MAN2C1: variants seen among roughly 807,000 people sequenced by gnomAD.
MAN2C1 encodes the protein mannosidase alpha class 2C member 1, also known as alpha-mannosidase 2C1.
Under a neutral mutation model 126.9 loss-of-function variants are expected in MAN2C1, and 111 were observed. The ratio of observed to expected loss-of-function variants is 0.87; its 90% CI spans 0.75 to 1.02. The LOEUF (loss-of-function observed/expected upper bound fraction) is 1.02. MAN2C1 is among the 50% of genes least tolerant of loss of function. MAN2C1 has a pLI of 0.00. For synonymous variants in MAN2C1, 567 were observed against 561.5 expected, an observed-to-expected ratio of 1.01 and a Z score of -0.14; for missense variants, 1,363 against 1,364.4, an observed-to-expected ratio of 1.00 and a Z score of 0.02.
At chr15:75,365,841 T>C in intron 4 of MAN2C1, 1 of 324,582 alleles carries the variant, frequency 3.1e-6, no homozygotes, top group South Asian at 2.2e-5. Context: ...TTCCAGCATT[T>C]TGGGAAGCTG....
At chr15:75,367,923 C>T in intron 2 of MAN2C1, 150 bp downstream of exon 2, 1 of 1,123,078 alleles carries the variant, frequency 8.9e-7, no homozygotes, top group Non-Finnish European at 1.2e-6. Flanking sequence ...GAGAGCTGTT[C>T]CCAGCAGAGG....
At chr15:75,367,731 C>A (rs2072605549) in intron 2 of MAN2C1, 97 bp from the exon 3 acceptor site, 1 of 1,473,150 alleles carries the variant, frequency 6.8e-7, no homozygotes. Context: ...ACTCTCCAAG[C>A]ATCTGCAGTG....
At chr15:75,366,132 A>G (rs1487747454) in intron 4 of MAN2C1, 2 of 322,568 alleles carry the variant, frequency 6.2e-6, no homozygotes, top group East Asian at 1.0e-4. Context: ...GTTCATCTCT[A>G]TTCTAGGGAG....
rs2072643115 is a variant in MAN2C1 at position 75,368,594 on chromosome 15, T to G, written c.-11A>C. 4 of 1,534,106 alleles carry G rather than the reference T, an allele frequency of 2.6e-6. No individual in the cohort carries two copies. The highest frequency in any genetic ancestry group is 3.5e-6 in the Non-Finnish European group (4 of 1,139,450). ...CGGCGCAGCCGCCATCGCCGGGCTC[T>G]CGCTCCTCTTTCCGGAAGGCCCCTG... is the stretch of plus-strand genomic sequence containing the variant. On this transcript the variant is annotated 5_prime_UTR_variant, in exon 1 of 26. Coordinates refer to ENST00000267978, the MANE Select transcript of MAN2C1 (RefSeq NM_006715.4).
At position 75,356,102 on chromosome 15, in the gene MAN2C1, C is replaced by T. The variant is rs1291436542; in HGVS notation, c.2996+8G>A. ...CGACCCCCGCCCCAATCCCACACCG[C>T]CACTCACAGGATGGCCTCCTGAACC... On this transcript the variant is annotated splice_region_variant and intron_variant, in intron 25 of 25. Coordinates refer to ENST00000267978, the MANE Select transcript of MAN2C1 (RefSeq NM_006715.4). This position sits in a 1 kb window ranked among gnomAD's most constrained non-coding sequence, Gnocchi z 5.8. 1.9e-6 allele frequency: 3 copies of T among 1,613,904 alleles called. No homozygotes were observed. Among genetic ancestry groups the T allele is most frequent in the Non-Finnish European group, 2.5e-6 (3 of 1,179,966 alleles).
rs1202172326 is a variant in MAN2C1 at position 75,361,227 on chromosome 15, T to C, written c.1315-36A>G. 6.2e-7 allele frequency: 1 copy of C among 1,603,216 alleles called. No homozygotes were observed. The highest frequency in any genetic ancestry group is 1.3e-5 in the African/African-American group (1 of 74,980). The stretch of plus-strand genomic sequence containing the variant: ...GAGGGCAGGCCAGCATGGATCAGCC[T>C]GGAACAAGCCAGCCCTCTCCAGCCT... On this transcript the variant is annotated intron_variant, in intron 11 of 25. Coordinates refer to ENST00000267978, the MANE Select transcript of MAN2C1 (RefSeq NM_006715.4). The surrounding 1 kb of genome is among the most constrained non-coding windows in gnomAD (Gnocchi z 5.0).
At position 75,364,061 on chromosome 15, in the gene MAN2C1, C is replaced by G. The variant is rs1477968663; in HGVS notation, c.728G>C (p.Gly243Ala). The change falls in exon 6 of 26, where the codon GGC becomes GCC. Residue 243 changes from glycine to alanine, a missense_variant. Around this residue, in one of 3 missense-constraint regions of MAN2C1, gnomAD observed 628 missense variants for 609.8 expected, o/e 1.03. Coordinates refer to ENST00000267978, the MANE Select transcript of MAN2C1 (RefSeq NM_006715.4). Reference protein sequence around the residue: ...VAQALASRFFGQHGGESQHTI... With the variant: ...VAQALASRFFAQHGGESQHTI... The stretch of plus-strand genomic sequence containing the variant: ...GTGTTGGCTTTCACCCCCATGTTGG[C>G]CAAAGAACCTGGAGGCCAGGGCCTG... 2 of 1,614,228 alleles carry G rather than the reference C, an allele frequency of 1.2e-6. No individual in the cohort carries two copies. The highest frequency in any genetic ancestry group is 1.7e-6 in the Non-Finnish European group (2 of 1,180,036).
chr15:75,358,225 G>A lies in MAN2C1; in HGVS notation c.2523C>T (p.Thr841=). The A allele has an allele frequency of 6.2e-7, 1 of 1,614,206 alleles. No homozygotes were observed. Among genetic ancestry groups the A allele is most frequent in the Non-Finnish European group, 8.5e-7 (1 of 1,180,044 alleles). ...CCTCAAATCGAGCCCAGTCCCAAGA[G>A]GTATTGTAGTGGGTAGGTCGCTGCA... ...GHLQRPTHYN[T]SWDWARFEVW... The change falls in exon 21 of 26, where the codon ACC becomes ACT. Residue 841 remains threonine (T), a synonymous_variant. Coordinates refer to ENST00000267978, the MANE Select transcript of MAN2C1 (RefSeq NM_006715.4).
In MAN2C1 at chr15:75,364,596, G is replaced by C; in HGVS notation, c.492C>G (p.Ala164=). Residue 164 remains alanine, a synonymous_variant, in exon 5 of 26, where the codon GCC becomes GCG. Transcript: ENST00000267978. ...GCTGGAACATCTTCTCAGGGTCAGG[G>C]GCTGCAATCATGCTTCCCTTCCCGG... The part of the protein sequence containing the change: ...LGAGKGSMIA[A]PDPEKMFQLS... 2.5e-6 allele frequency: 4 copies of C among 1,613,664 alleles called. No individual in the cohort carries two copies. Among genetic ancestry groups the C allele is most frequent in the Non-Finnish European group, 2.5e-6 (3 of 1,179,796 alleles).
rs1241438959 is a variant in MAN2C1, at chr15:75,358,771, C to G, written c.2179G>C (p.Val727Leu). 1 of 1,613,748 alleles carries G rather than the reference C, an allele frequency of 6.2e-7. No individual in the cohort carries two copies. The highest frequency in any genetic ancestry group is 1.3e-5 in the African/African-American group (1 of 74,870). ...TACAAGGGGACATCATCAAATAGCA[C>G]AAACTGGTTCCCCACGGCGCCCTCA... is the stretch of plus-strand genomic sequence containing the variant. Reference protein sequence around the residue: ...IAEGAVGNQFVLFDDVPLYWD... With the variant: ...IAEGAVGNQFLLFDDVPLYWD... Residue 727 changes from valine (V) to leucine (L), a missense_variant, in exon 19 of 26, where the codon GTG becomes CTG. By Grantham distance (32) the Val-to-Leu change is conservative. Transcript: ENST00000267978.
In MAN2C1 at chr15:75,361,583, AC is replaced by A. The variant is rs745761234; in HGVS notation, c.1218+20del. 23 of 1,587,628 alleles carry A rather than the reference AC, an allele frequency of 1.4e-5. No homozygotes were observed. Among genetic ancestry groups the A allele is most frequent in the Non-Finnish European group, 1.7e-6 (2 of 1,157,156 alleles). ...GGGACTGAGGCCCACTCTGACCCTG[AC>A]CCCCCGGGGGCCTGCTTACTGGGAA... On this transcript the variant is annotated intron_variant, in intron 10 of 25. Coordinates refer to ENST00000267978, the MANE Select transcript of MAN2C1 (RefSeq NM_006715.4). The surrounding 1 kb of genome is among the most constrained non-coding windows in gnomAD (Gnocchi z 5.0).
At chr15:75,358,148 G>A in intron 21 of MAN2C1, 53 bp downstream of exon 21, 1 of 1,604,458 alleles carries the variant, frequency 6.2e-7, no homozygotes. Flanking sequence ...CACACAAGCA[G>A]TCTCCCCAGC....
rs376546366 is a variant in MAN2C1 at position 75,359,632 on chromosome 15, C to T, written c.1936G>A (p.Ala646Thr). The part of the protein sequence containing the change: ...EVMALPKPGG[A>T]HSLALVTVPS... ...CCTCAGCTCGTACCTAGGCTGTGGG[C>T]CCCGCCCGGTTTGGGCAGGGCCATC... The change falls in exon 16 of 26, where the codon GCC becomes ACC. Residue 646 changes from alanine to threonine, a missense_variant. Transcript: ENST00000267978. 8 of 1,613,954 alleles carry T rather than the reference C, an allele frequency of 5.0e-6. No homozygotes were observed. The South Asian group carries it at 7.7e-5, about 16-fold the overall frequency.
In MAN2C1 at chr15:75,359,616, G is replaced by C. The variant is rs573512444; in HGVS notation, c.1948+4C>G. 6 of 1,613,568 alleles carry C rather than the reference G, an allele frequency of 3.7e-6. No individual in the cohort carries two copies. Among genetic ancestry groups the C allele is most frequent in the African/African-American group, 2.7e-5 (2 of 74,930 alleles). The stretch of plus-strand genomic sequence containing the variant: ...CAGTAGCAACCCTTCCCCTCAGCTC[G>C]TACCTAGGCTGTGGGCCCCGCCCGG... On this transcript the variant is annotated splice_donor_region_variant and intron_variant, in intron 16 of 25. Transcript: ENST00000267978.
intron 18 of MAN2C1, 39 bp downstream of exon 18, chr15:75,359,020 C>T (rs1404433704): frequency 6.2e-7 from 1 of 1,610,138 alleles, no homozygotes; most frequent in Non-Finnish European, 8.5e-7. Context: ...CTGGGGTCTA[C>T]TTGCCAGGCA....
chr15:75,366,301 A>T (rs1332922171), intron 4 of MAN2C1, among the ~76,000 whole-genome samples: 1 of 152,182 alleles, frequency 6.6e-6, no homozygotes, highest in Non-Finnish European at 1.5e-5. Flanking sequence ...GGCTCAGGTG[A>T]TCCTCCCACT....
rs2072298677 is a variant in MAN2C1 at position 75,356,349 on chromosome 15, A to T, written c.2838T>A (p.Ser946Arg). 6.2e-7 allele frequency: 1 copy of T among 1,612,220 alleles called. No individual in the cohort carries two copies. The change falls in exon 24 of 26, where the codon AGT becomes AGA. Residue 946 changes from serine (S) to arginine (R), a missense_variant. Ser to Arg is a moderately radical substitution (Grantham distance 110). This residue lies in a region of MAN2C1 where 668 missense variants were observed against 650.1 expected (regional missense o/e 1.03). Transcript: ENST00000267978. This position sits in a 1 kb window ranked among gnomAD's most constrained non-coding sequence, Gnocchi z 5.8. ...CCGCGGGTGAAGACACGGAAAACGCACTCCAGGAGGTGGCGGGCGCTGGGC... is the reference window on the plus strand; with the variant it reads ...CCGCGGGTGAAGACACGGAAAACGCTCTCCAGGAGGTGGCGGGCGCTGGGC... ...APSPAPATSW[S>R]AFSVSSPAVV...
rs200759757 is a variant in MAN2C1 at position 75,362,610 on chromosome 15, C to T, written c.897+32G>A. ...GTGGAGCTCCAGGGAGGGCCACGTGCTTCCCTCCTCCCTCACAGCTGTCCC... is the reference window on the plus strand; with the variant it reads ...GTGGAGCTCCAGGGAGGGCCACGTGTTTCCCTCCTCCCTCACAGCTGTCCC... On this transcript the variant is annotated intron_variant, in intron 7 of 25. Transcript: ENST00000267978. The surrounding 1 kb of genome is among the most constrained non-coding windows in gnomAD (Gnocchi z 4.5). 1 of 1,603,930 alleles carries T rather than the reference C, an allele frequency of 6.2e-7. No individual in the cohort carries two copies. Among genetic ancestry groups the T allele is most frequent in the African/African-American group, 1.3e-5 (1 of 74,842 alleles).
At position 75,361,299 on chromosome 15, in the gene MAN2C1, C is replaced by A; in HGVS notation, c.1301G>T (p.Gly434Val). The A allele has an allele frequency of 6.4e-7, 1 of 1,570,416 alleles. No individual in the cohort carries two copies. Reference sequence around the variant, plus strand: ...GTGACCCCTCACCTCCTCCACGCTGCCCTGCATCCCATAGGAGTCGCCAGG... The same window carrying A: ...GTGACCCCTCACCTCCTCCACGCTGACCTGCATCCCATAGGAGTCGCCAGG... ...FPPGDSYGMQ[G>V]SVEEVLKTVA... The change falls in exon 11 of 26, where the codon GGC becomes GTC. Residue 434 changes from glycine (G) to valine (V), a missense_variant. Around this residue, in one of 3 missense-constraint regions of MAN2C1, gnomAD observed 628 missense variants for 609.8 expected, o/e 1.03. Coordinates refer to ENST00000267978, the MANE Select transcript of MAN2C1 (RefSeq NM_006715.4). This position sits in a 1 kb window ranked among gnomAD's most constrained non-coding sequence, Gnocchi z 5.0.
Sources: gnomAD v4.1 joint callset for allele counts (sites outside exome capture counted in the v4.1 genomes callset) on GRCh38, gnomAD v4.1.1 for gene constraint, gnomAD v4.1.1 regional missense constraint, Gnocchi (gnomAD v3.1) non-coding constraint, MANE v1.5 for transcripts, NCBI Gene and HGNC (gene_info 2026-07-23, HGNC 2026-07-21) for gene names.